DHX8: variants seen among roughly 807,000 people sequenced by gnomAD.
DHX8 encodes the protein ATP-dependent RNA helicase DHX8.
Under a neutral mutation model 140.7 loss-of-function variants are expected in DHX8, and 67 were observed. The ratio of observed to expected loss-of-function variants is 0.48; its 90% CI spans 0.39 to 0.58. The LOEUF is 0.58. Ranked by LOEUF, DHX8 falls within the 20% of genes least tolerant of loss-of-function variation. DHX8 has a pLI of 0.00. For missense variants in DHX8, 887 were observed against 1,550.7 expected, an observed-to-expected ratio of 0.57 and a Z score of 7.19; for synonymous variants, 533 against 553.2, an observed-to-expected ratio of 0.96 and a Z score of 0.51.
intron 3 of DHX8, among the ~76,000 whole-genome samples, chr17:43,490,731 AGGCATGAT>A (rs1968467452): frequency 6.6e-6 from 1 of 152,130 alleles, no homozygotes; most frequent in Non-Finnish European, 1.5e-5. Flanking sequence ...AAAATTAGCC[AGGCATGAT>A]GGCGTGCCTC....
chr17:43,513,501 A>G lies in DHX8; in HGVS notation c.2642A>G (p.Gln881Arg). Residue 881 changes from glutamine (Q) to arginine (R), a missense_variant and splice_region_variant, in exon 17 of 23, where the codon CAG (glutamine) becomes CGG (arginine). Physicochemically the swap from Gln to Arg is conservative, Grantham distance 43. Coordinates refer to ENST00000262415, the MANE Select transcript of DHX8 (RefSeq NM_004941.3). ...CAGCTCGTGGTGACGCCTATTTCTC[A>G]GGTATGACGGCTTGTATCAACAGTT... ...IDQLVVTPISQAQAKQRAGRA... is the reference protein window; with the variant it reads ...IDQLVVTPISRAQAKQRAGRA... 6.2e-7 allele frequency: 1 copy of G among 1,613,422 alleles called. No homozygotes were observed. Among genetic ancestry groups the G allele is most frequent in the Non-Finnish European group, 8.5e-7 (1 of 1,179,728 alleles).
At chr17:43,485,169 A>C (rs1320483283) in intron 1 of DHX8, among the ~76,000 whole-genome samples, 3 of 152,182 alleles carry the variant, frequency 2.0e-5, no homozygotes, top group Non-Finnish European at 4.4e-5. Context: ...GACAGAGAAT[A>C]CAGTTGCAGA....
In DHX8 at chr17:43,513,436, C is replaced by T. The variant is rs1969950752; in HGVS notation, c.2577C>T (p.Phe859=). 6.2e-7 allele frequency: 1 copy of T among 1,614,014 alleles called. No individual in the cohort carries two copies. Among genetic ancestry groups the T allele is most frequent in the African/African-American group, 1.3e-5 (1 of 75,012 alleles). ...DGIYYVVDPG[F]VKQKVYNSKT... is the part of the protein sequence containing the mutation. ...TCTACTATGTGGTGGACCCAGGATT[C>T]GTGAAACAGAAAGTTTACAATTCCA... Residue 859 remains phenylalanine, a synonymous_variant, in exon 17 of 23, where the codon TTC becomes TTT. Transcript: ENST00000262415.
intron 18 of DHX8, chr17:43,518,284 A>G (rs1333518031): frequency 6.6e-6 from 1 of 152,216 alleles, no homozygotes; most frequent in African/African-American, 2.4e-5. Flanking sequence ...AAGAAATAGA[A>G]AGCTTAGGTC....
At chr17:43,508,617 T>TA in intron 16 of DHX8, 97 bp downstream of exon 16, 16 of 697,758 alleles carry the variant, frequency 2.3e-5, no homozygotes, top group Non-Finnish European at 3.4e-5. Flanking sequence ...TGTATGCAAG[T>TA]CTTTTTTTTT....
At chr17:43,503,446 G>A (rs1371575589) in intron 11 of DHX8, among the ~76,000 whole-genome samples, 2 of 151,340 alleles carry the variant, frequency 1.3e-5, no homozygotes, top group African/African-American at 4.9e-5. Context: ...GCAGTGAGCC[G>A]AGATCACGCC....
chr17:43,506,914 TTTTAATGACCATATTTATATTCTG>T (rs1462781239), intron 12 of DHX8, 65 bp from the exon 13 acceptor site: 8 of 1,037,264 alleles, frequency 7.7e-6, no homozygotes, highest in African/African-American at 3.2e-5. Context: ...GTAATGTAGA[TTTTAATGACCATATTTATATTCTG>T]TTTAATGACC....
At position 43,493,895 on chromosome 17, in the gene DHX8, C is replaced by T. The variant is rs1192716282; in HGVS notation, c.1212+9C>T. ...AGTGGGAGATCAAACAGGTTGGGGC[C>T]TTTAGTTTTCATGACCAGATAGTCA... is the stretch of plus-strand genomic sequence containing the variant. On this transcript the variant is annotated intron_variant, in intron 8 of 22. Transcript: ENST00000262415. 6.2e-7 allele frequency: 1 copy of T among 1,613,934 alleles called. No homozygotes were observed. The highest frequency in any genetic ancestry group is 1.3e-5 in the African/African-American group (1 of 74,908).
At chr17:43,528,638 G>T (rs1411056055), downstream of DHX8, 4 of 1,614,170 alleles carry the variant, frequency 2.5e-6, no homozygotes, top group Non-Finnish European at 3.4e-6. Flanking sequence ...CTGACAGGCC[G>T]GTCAAACTCA....
chr17:43,506,746 T>C (rs979560165), intron 12 of DHX8, among the ~76,000 whole-genome samples: 2 of 151,872 alleles, frequency 1.3e-5, no homozygotes, highest in African/African-American at 4.8e-5. Context: ...AACGTAGAAA[T>C]AAGAAATAAC....
At chr17:43,515,343 C>T (rs1970051325) in intron 17 of DHX8, among the ~76,000 whole-genome samples, 1 of 152,160 alleles carries the variant, frequency 6.6e-6, no homozygotes, top group Non-Finnish European at 1.5e-5. Context: ...CGCATGCCGC[C>T]ATGACCACCT....
downstream of DHX8, chr17:43,526,779 A>T: frequency 1.8e-6 from 2 of 1,117,452 alleles, no homozygotes; most frequent in Non-Finnish European, 2.4e-6. Context: ...ATTAAATTAT[A>T]TATTTTTAAA....
At chr17:43,487,880 G>A (rs778002931) in intron 1 of DHX8, among the ~76,000 whole-genome samples, 76 of 152,266 alleles carry the variant, frequency 5.0e-4, no homozygotes, top group Non-Finnish European at 1.6e-4. Context: ...AGGAGGCTGA[G>A]ACAAGAGAAT....
chr17:43,510,203 C>T (rs1024850254), intron 16 of DHX8, among the ~76,000 whole-genome samples: 2 of 152,018 alleles, frequency 1.3e-5, no homozygotes, highest in Non-Finnish European at 2.9e-5. Context: ...CATGTGCCAC[C>T]ACACCCGGCT....
chr17:43,526,157 G>T, downstream of DHX8: 1 of 985,378 alleles, frequency 1.0e-6, no homozygotes, highest in Non-Finnish European at 1.2e-6. Context: ...TCCAGATGCA[G>T]AAGGGGAGCT....
At chr17:43,544,067 C>A (rs1019020035) in intron 3 of DHX8, 72 of 152,304 alleles carry the variant, frequency 4.7e-4, no homozygotes, top group Admixed American at 4.5e-3. Flanking sequence ...TTGGCTTCTT[C>A]ATTTTCATAG....
intron 11 of DHX8, among the ~76,000 whole-genome samples, chr17:43,504,164 C>T (rs1359679834): frequency 2.0e-5 from 3 of 152,040 alleles, no homozygotes; most frequent in Non-Finnish European, 2.9e-5. Context: ...GAGAGTGCTG[C>T]GCATGGTGGC....
In DHX8 at chr17:43,525,634, G is replaced by GTTTTGT; in HGVS notation, c.*1801_*1806dup. On this transcript the variant is annotated 3_prime_UTR_variant, in exon 23 of 23. Coordinates refer to ENST00000262415, the MANE Select transcript of DHX8 (RefSeq NM_004941.3). ...ACTGGGCACCCACCTCCCCAATCTC[G>GTTTTGT]TTTTGTTTTTGTTTTTGTTAAGACA... 1.0e-6 allele frequency: 1 copy of GTTTTGT among 985,442 alleles called. No individual in the cohort carries two copies. Among genetic ancestry groups the GTTTTGT allele is most frequent in the African/African-American group, 1.7e-5 (1 of 57,332 alleles). The allele number at this position is 985,442 out of a possible 1,614,324, so 61.0% of individuals were successfully genotyped here. A position where few individuals can be genotyped will look rare whatever the true frequency, so the allele number is the denominator to read the frequency against.
intron 21 of DHX8, 122 bp from the exon 22 acceptor site, chr17:43,521,925 G>C: frequency 1.0e-6 from 1 of 1,004,078 alleles, no homozygotes; most frequent in Non-Finnish European, 1.5e-6. Context: ...TACACTTAGG[G>C]CTGGAAGGAA....
Sources: gnomAD v4.1 joint callset for allele counts (sites outside exome capture counted in the v4.1 genomes callset) on GRCh38, gnomAD v4.1.1 for gene constraint, MANE v1.5 for transcripts, NCBI Gene and HGNC (gene_info 2026-07-23, HGNC 2026-07-21) for gene names.